The following LRBA variants were observed in gnomAD, a reference collection of about 807,000 sequenced individuals.
The protein encoded by LRBA is LPS responsive beige-like anchor protein.
A neutral mutation model predicts 330.0 loss-of-function variants in LRBA; 176 were observed. The observed-to-expected ratio is 0.53, with a 90% CI of 0.47 to 0.60. LRBA has a LOEUF of 0.60. Ranked by LOEUF, LRBA falls within the 20% of genes least tolerant of loss-of-function variation. The pLI is 0.00. For missense variants in LRBA, 3,259 were observed against 3,444.8 expected, an observed-to-expected ratio of 0.95 and a Z score of 1.35; for synonymous variants, 1,230 against 1,193.0, an observed-to-expected ratio of 1.03 and a Z score of -0.64.
intron 40 of LRBA, chr4:150,579,690 T>C (rs1248397933): frequency 2.2e-6 from 1 of 456,200 alleles, no homozygotes; most frequent in South Asian, 1.5e-5. Flanking sequence ...GTCCGGCGAG[T>C]GGTGGCGCGA....
At chr4:150,898,645 C>CA (rs779677822) in intron 14 of LRBA, among the ~76,000 whole-genome samples, 9,708 of 37,610 alleles carry the variant, frequency 0.26, 952 homozygotes, top group African/African-American at 0.35. Context: ...GATTCCTAGA[C>CA]AAAAAAAAAT....
upstream of LRBA, chr4:151,015,547 G>GC (rs1554020522): frequency 6.5e-6 from 1 of 152,868 alleles, no homozygotes; most frequent in Non-Finnish European, 1.5e-5. Context: ...TGGCTTCCTG[G>GC]CCCGCCCCGC....
intron 40 of LRBA, among the ~76,000 whole-genome samples, chr4:150,552,219 G>C (rs1766695192): frequency 6.6e-6 from 1 of 152,044 alleles, no homozygotes; most frequent in Non-Finnish European, 1.5e-5. Flanking sequence ...TGCCTTAGAA[G>C]ACAGAATACA....
At chr4:150,471,414 C>T (rs1370428615) in intron 43 of LRBA, among the ~76,000 whole-genome samples, 1 of 152,144 alleles carries the variant, frequency 6.6e-6, no homozygotes. Flanking sequence ...TATCCCCTTG[C>T]TCTAGAATCA....
At chr4:150,328,247 T>G (rs919930271) in intron 48 of LRBA, among the ~76,000 whole-genome samples, 1 of 152,220 alleles carries the variant, frequency 6.6e-6, no homozygotes, top group Non-Finnish European at 1.5e-5. Flanking sequence ...CAGTAAATTT[T>G]ACGTCAGACA....
chr4:150,524,936 A>T (rs1280957222), intron 40 of LRBA, among the ~76,000 whole-genome samples: 1 of 152,170 alleles, frequency 6.6e-6, no homozygotes. Flanking sequence ...GCCTGACAGA[A>T]GTAATCATTT....
intron 2 of LRBA, among the ~76,000 whole-genome samples, chr4:150,938,409 A>C (rs1735326154): frequency 6.6e-6 from 1 of 152,166 alleles, no homozygotes; most frequent in African/African-American, 2.4e-5. Flanking sequence ...GAAAATTACA[A>C]AGCTGTGACA....
chr4:150,891,838 AAATAAAG>A (rs1336835734), intron 17 of LRBA, among the ~76,000 whole-genome samples: 1 of 152,242 alleles, frequency 6.6e-6, no homozygotes, highest in Non-Finnish European at 1.5e-5. Flanking sequence ...AAAAAATACC[AAATAAAG>A]AATCTGTTAT....
intron 2 of LRBA, among the ~76,000 whole-genome samples, chr4:150,999,084 T>G (rs528870236): frequency 6.6e-6 from 1 of 152,240 alleles, no homozygotes; most frequent in Admixed American, 6.5e-5. Flanking sequence ...TACTTTTCAA[T>G]GTAGAACTGA....
Position 150,929,038 on chromosome 4 carries a change from T to C in LRBA, c.244A>G (p.Met82Val), listed in dbSNP as rs1258239236. The C allele has an allele frequency of 1.2e-6, 2 of 1,613,198 alleles. No individual in the cohort carries two copies. The highest frequency in any genetic ancestry group is 2.2e-5 in the East Asian group (1 of 44,834). Reference protein sequence around the residue: ...LLVGGQFDLEMNFIIQEGESI... With the variant: ...LLVGGQFDLEVNFIIQEGESI... Reference sequence around the variant, plus strand: ...TCACCTTCTTGGATAATGAAATTCATTTCCAGATCAAACTGTCCTCCTACC... The same window carrying C: ...TCACCTTCTTGGATAATGAAATTCACTTCCAGATCAAACTGTCCTCCTACC... Residue 82 changes from methionine to valine, a missense_variant, in exon 3 of 57, where the codon ATG becomes GTG. Physicochemically the swap from Met to Val is conservative, Grantham distance 21. Transcript: ENST00000651943.
Position 150,285,942 on chromosome 4 carries a change from C to T in LRBA, c.8110G>A (p.Gly2704Ser), listed in dbSNP as rs761576239. ...VCAELGLVLS[G>S]SQEGPCLIHS... ...GGTACCACAGGTTTACCTTGTGAAC[C>T]ACTCAACACCAGGCCTAGCTCCGCA... The change falls in exon 54 of 57, where the codon GGT becomes AGT. Residue 2704 changes from glycine (G) to serine (S), a missense_variant. Coordinates refer to ENST00000651943, the MANE Select transcript of LRBA (RefSeq NM_001364905.1). 54 of 1,568,656 alleles carry T rather than the reference C, an allele frequency of 3.4e-5. 1 individual carries two copies. The South Asian group carries it at 6.4e-4, about 19-fold the overall frequency.
At chr4:150,647,352 CTTTTTTTT>C (rs769403201) in intron 37 of LRBA, among the ~76,000 whole-genome samples, 2 of 79,798 alleles carry the variant, frequency 2.5e-5, no homozygotes, top group African/African-American at 1.0e-4. Flanking sequence ...ATTACTTTTT[CTTTTTTTT>C]TTTTTTTTTT....
intron 47 of LRBA, among the ~76,000 whole-genome samples, chr4:150,384,849 G>GAAA (rs1220757233): frequency 1.9e-4 from 29 of 151,892 alleles, no homozygotes; most frequent in African/African-American, 6.5e-4. Flanking sequence ...TTATCAGTAT[G>GAAA]AATTTTTCAT....
rs889704893 is a variant in LRBA, at chr4:150,848,801, G to A, written c.4339+17C>T. 1.5e-5 allele frequency: 24 copies of A among 1,559,306 alleles called. No individual in the cohort carries two copies. The highest frequency in any genetic ancestry group is 3.7e-5 in the South Asian group (3 of 82,188). ...AAATTTTTTTTAGTAAATTCCCAAC[G>A]GTTTTTAGCAGCTCACCTAGTCGGA... On this transcript the variant is annotated intron_variant, in intron 26 of 56. Coordinates refer to ENST00000651943, the MANE Select transcript of LRBA (RefSeq NM_001364905.1).
intron 39 of LRBA, among the ~76,000 whole-genome samples, chr4:150,588,863 G>A (rs1772447624): frequency 6.6e-6 from 1 of 152,094 alleles, no homozygotes; most frequent in Non-Finnish European, 1.5e-5. Flanking sequence ...GTTTCCAAGT[G>A]AATGAATTTT....
intron 33 of LRBA, among the ~76,000 whole-genome samples, chr4:150,800,797 T>A (rs4696634): frequency 0.83 from 126,729 of 152,168 alleles, 54,008 homozygotes; most frequent in Non-Finnish European, 0.94. Context: ...TTGGTTTGAT[T>A]ATTTTTTGGT....
chr4:150,383,646 G>C (rs1314131641), intron 47 of LRBA, among the ~76,000 whole-genome samples: 2 of 152,100 alleles, frequency 1.3e-5, no homozygotes, highest in African/African-American at 4.8e-5. Flanking sequence ...GTATCATATC[G>C]CTCTTGTGTG....
intron 4 of LRBA, among the ~76,000 whole-genome samples, chr4:150,923,568 C>G (rs1284718993): frequency 1.3e-5 from 2 of 152,122 alleles, no homozygotes; most frequent in African/African-American, 2.4e-5. Context: ...ATACGCATAG[C>G]ATATACATAT....
chr4:150,847,198 C>T (rs895023231), intron 26 of LRBA, among the ~76,000 whole-genome samples: 1 of 152,008 alleles, frequency 6.6e-6, no homozygotes, highest in African/African-American at 2.4e-5. Flanking sequence ...CTTTTATCTT[C>T]AATTTCCTCA....
Sources: allele counts gnomAD v4.1 joint callset (sites outside exome capture counted in the v4.1 genomes callset), GRCh38; gene constraint gnomAD v4.1.1; transcripts MANE v1.5; gene names NCBI Gene and HGNC (gene_info 2026-07-23, HGNC 2026-07-21).